The following TSPAN9 variants were observed in gnomAD, a reference collection of about 807,000 sequenced individuals.
TSPAN9 encodes tetraspanin 9, also known as tetraspanin-9.
A neutral mutation model predicts 31.0 loss-of-function variants in TSPAN9; 16 were observed. That is an observed-to-expected ratio of 0.52 (90% CI 0.35 to 0.78). The LOEUF is 0.78. Among genes scored for constraint, TSPAN9 ranks in the 30% least tolerant of loss-of-function variants. TSPAN9 has a pLI of 0.01. For synonymous variants in TSPAN9, 145 were observed against 121.6 expected (o/e 1.19, Z -1.27); for missense variants, 272 against 312.5 (o/e 0.87, Z 0.98).
chr12:3,149,747 G>T (rs1313842248), intron 2 of TSPAN9: 2 of 152,302 alleles, frequency 1.3e-5, no homozygotes, highest in East Asian at 3.9e-4. Context: ...AGACATCTGG[G>T]GAGCTTTTCA....
At chr12:3,260,479 A>G (rs534593825) in intron 3 of TSPAN9, among the ~76,000 whole-genome samples, 1 of 152,338 alleles carries the variant, frequency 6.6e-6, no homozygotes, top group Non-Finnish European at 1.5e-5. Context: ...AGCTGGGGCT[A>G]CACAGAACAG....
At chr12:3,135,430 C>T (rs1333850255) in intron 2 of TSPAN9, among the ~76,000 whole-genome samples, 1 of 152,154 alleles carries the variant, frequency 6.6e-6, no homozygotes, top group Non-Finnish European at 1.5e-5. Flanking sequence ...CACACTCCTT[C>T]CTTAATCCCT....
chr12:3,084,988 C>T (rs1206681637), intron 2 of TSPAN9, among the ~76,000 whole-genome samples: 2 of 152,336 alleles, frequency 1.3e-5, no homozygotes, highest in South Asian at 2.1e-4. Context: ...TGTCTGCTTT[C>T]ATTCTTGCAG....
In TSPAN9 at chr12:3,192,111, T is replaced by C. The variant is rs944041147; in HGVS notation, c.-17-9066T>C. ...GTGGCAATAATGGGTGAGCAGAGAA[T>C]GTTGGACGGGGGCTGGAGAGAAAGG... is the stretch of plus-strand genomic sequence containing the variant. On this transcript the variant is annotated intron_variant, in intron 2 of 8. Coordinates refer to ENST00000011898, the MANE Select transcript of TSPAN9 (RefSeq NM_006675.5). The surrounding 1 kb of genome is among the most constrained non-coding windows in gnomAD (Gnocchi z 4.6). Among the ~76,000 whole-genome samples, 3 of 151,500 alleles carry C rather than the reference T, an allele frequency of 2.0e-5. No individual in the cohort carries two copies. The highest frequency in any genetic ancestry group is 4.4e-5 in the Non-Finnish European group (3 of 67,912).
At chr12:3,158,265 T>C (rs2098343293) in intron 2 of TSPAN9, among the ~76,000 whole-genome samples, 1 of 152,196 alleles carries the variant, frequency 6.6e-6, no homozygotes, top group African/African-American at 2.4e-5. Context: ...TGGAAGTGGC[T>C]GTTCAGTCTG....
chr12:3,277,073 G>A (rs1349242082), intron 3 of TSPAN9, among the ~76,000 whole-genome samples: 1 of 152,198 alleles, frequency 6.6e-6, no homozygotes, highest in Admixed American at 6.5e-5. Context: ...TGCCTTTCCA[G>A]CAAGCAGTGC....
At chr12:3,108,239 T>C (rs945367764) in intron 2 of TSPAN9, among the ~76,000 whole-genome samples, 2 of 152,234 alleles carry the variant, frequency 1.3e-5, no homozygotes, top group African/African-American at 4.8e-5. Flanking sequence ...ATGGACCACA[T>C]AGTAGGTACT....
chr12:3,231,710 G>A (rs1396406158), intron 3 of TSPAN9, among the ~76,000 whole-genome samples: 2 of 152,392 alleles, frequency 1.3e-5, no homozygotes, highest in South Asian at 2.1e-4. Flanking sequence ...GGTTGTGGGC[G>A]GGCGGCGCCT....
chr12:3,108,568 C>G (rs79850181), intron 2 of TSPAN9, among the ~76,000 whole-genome samples: 1,938 of 152,266 alleles, frequency 0.013, 30 homozygotes, highest in South Asian at 0.057. Flanking sequence ...CACTGTGGAT[C>G]CTTTCGATCT....
rs118169007 is a variant in TSPAN9, at chr12:3,096,685, A to C, written c.-18+12966A>C. The stretch of plus-strand genomic sequence containing the variant: ...AAACATTTCAGGAGAGGCAGTGAGG[A>C]TCTTTCTTTCTTTCTTTTTTTTTTT... On this transcript the variant is annotated intron_variant, in intron 2 of 8. Coordinates refer to ENST00000011898, the MANE Select transcript of TSPAN9 (RefSeq NM_006675.5). 7.2e-3 allele frequency among the ~76,000 whole-genome samples: 1,090 copies of C among 150,998 alleles called. 12 individuals carry two copies. Among genetic ancestry groups the C allele is most frequent in the South Asian group, 0.023 (108 of 4,690 alleles).
intron 2 of TSPAN9, among the ~76,000 whole-genome samples, chr12:3,119,886 C>T (rs114669425): frequency 1.6e-3 from 246 of 152,178 alleles, no homozygotes; most frequent in African/African-American, 5.4e-3. Context: ...TCAAAGGGCA[C>T]GGGCCTGGCC....
At chr12:3,256,554 C>T (rs112307265) in intron 3 of TSPAN9, among the ~76,000 whole-genome samples, 11 of 152,276 alleles carry the variant, frequency 7.2e-5, no homozygotes, top group East Asian at 5.8e-4. Context: ...ATTTCGGGAG[C>T]GGCCCGGCTA....
At position 3,262,340 on chromosome 12, in the gene TSPAN9, C is replaced by T. The variant is rs189022002; in HGVS notation, c.64-16081C>T. 1.3e-4 allele frequency among the ~76,000 whole-genome samples: 19 copies of T among 151,108 alleles called. No homozygotes were observed. In the South Asian group the frequency reaches 2.3e-3, roughly 18 times the overall value. On this transcript the variant is annotated intron_variant, in intron 3 of 8. Coordinates refer to ENST00000011898, the MANE Select transcript of TSPAN9 (RefSeq NM_006675.5). ...CAAAGTGCAGGCATCTGCATTCTGC[C>T]GTGCCCTCCTCGGCTCTCTCTGGCT...
chr12:3,273,112 C>T (rs573929506), intron 3 of TSPAN9: 3 of 152,234 alleles, frequency 2.0e-5, no homozygotes, highest in African/African-American at 4.8e-5. Context: ...TTCCCTCCTC[C>T]GGAGTCAGGG....
At chr12:3,126,360 G>T (rs1375513971) in intron 2 of TSPAN9, among the ~76,000 whole-genome samples, 4 of 152,192 alleles carry the variant, frequency 2.6e-5, no homozygotes, top group Non-Finnish European at 5.9e-5. Context: ...TAGGCTCTAG[G>T]GAAGAGCCTT....
At position 3,141,011 on chromosome 12, in the gene TSPAN9, A is replaced by AG. The variant is rs374814289; in HGVS notation, c.-18+57296dup. 2.7e-3 allele frequency among the ~76,000 whole-genome samples: 338 copies of AG among 127,070 alleles called. 1 individual carries two copies. The highest frequency in any genetic ancestry group is 9.6e-3 in the African/African-American group (314 of 32,618). The allele number at this position is 127,070 out of a possible 152,430, so 83.4% of individuals were successfully genotyped here. On this transcript the variant is annotated intron_variant, in intron 2 of 8. Transcript: ENST00000011898. The stretch of plus-strand genomic sequence containing the variant: ...TGTGGGAAGTGTTGGGGTTCATAGT[A>AG]GGGGAGGGAGGGGGAATTTTTGGGT...
intron 2 of TSPAN9, 95 bp from the exon 3 acceptor site, chr12:3,201,082 C>T: frequency 8.2e-7 from 1 of 1,221,562 alleles, no homozygotes; most frequent in South Asian, 1.3e-5. Context: ...GCCAGAGCCG[C>T]GCCGAGGCCG....
chr12:3,101,751 T>C (rs1301819866), intron 2 of TSPAN9, among the ~76,000 whole-genome samples: 2 of 152,162 alleles, frequency 1.3e-5, no homozygotes, highest in African/African-American at 4.8e-5. Flanking sequence ...CTTGTCCCAT[T>C]GTCTCCTGTG....
Position 3,211,558 on chromosome 12 carries a change from T to G in TSPAN9, c.63+10302T>G, listed in dbSNP as rs2098378715. The stretch of plus-strand genomic sequence containing the variant: ...TTTGATATTTTGGTTGACCTTTCAT[T>G]GAATTCATTCATCATCTTAGGGAAA... On this transcript the variant is annotated intron_variant, in intron 3 of 8. Coordinates refer to ENST00000011898, the MANE Select transcript of TSPAN9 (RefSeq NM_006675.5). The G allele has an allele frequency of 1.7e-5, 16 of 946,752 alleles. No homozygotes were observed. In the Admixed American group the frequency reaches 3.8e-4, roughly 22 times the overall value. 58.6% of individuals were successfully genotyped at this position (946,752 alleles called of 1,614,324 possible).
Sources: allele counts gnomAD v4.1 joint callset (sites outside exome capture counted in the v4.1 genomes callset), GRCh38; gene constraint gnomAD v4.1.1; non-coding constraint Gnocchi (gnomAD v3.1); transcripts MANE v1.5; gene names NCBI Gene and HGNC (gene_info 2026-07-23, HGNC 2026-07-21).